SAMD3: variants seen among roughly 807,000 people sequenced by gnomAD.
SAMD3 encodes sterile alpha motif domain-containing protein 3.
SAMD3 carries 63 observed loss-of-function variants against 58.5 expected under a neutral mutation model. The observed-to-expected ratio is 1.08, with a 90% CI of 0.88 to 1.33. The LOEUF (loss-of-function observed/expected upper bound fraction) is 1.33, where lower values mean the gene tolerates loss of function less well. SAMD3 is among the 40% of genes most tolerant of loss of function. The probability of loss-of-function intolerance (pLI) is 0.00; values close to 1 mark genes in which losing one functional copy is unlikely to be tolerated. For missense variants in SAMD3, 604 were observed against 608.4 expected, an observed-to-expected ratio of 0.99 and a Z score of 0.08; for synonymous variants, 220 against 210.3, an observed-to-expected ratio of 1.05 and a Z score of -0.40.
intron 8 of SAMD3, among the ~76,000 whole-genome samples, chr6:130,165,236 T>C (rs1283276006): frequency 6.6e-6 from 1 of 152,138 alleles, no homozygotes; most frequent in Non-Finnish European, 1.5e-5. Flanking sequence ...AAGAAACTAA[T>C]AGGACTGTTA....
chr6:130,151,636 T>C lies in SAMD3; in HGVS notation c.1023+3189A>G, dbSNP rs9492462. ...TTGTATTTTTAGTAGAGACAGTGTT[T>C]CTCCACGTTGGTCAGCCTTGTCTCG... On this transcript the variant is annotated intron_variant, in intron 9 of 11. Transcript: ENST00000439090. Among the ~76,000 whole-genome samples the C allele has an allele frequency of 6.4e-3, 977 of 152,172 alleles. 13 individuals are homozygous for C. The highest frequency in any genetic ancestry group is 0.022 in the African/African-American group (895 of 41,528).
intron 2 of SAMD3, among the ~76,000 whole-genome samples, chr6:130,239,464 C>A (rs148647071): frequency 1.2e-4 from 19 of 152,106 alleles, no homozygotes; most frequent in African/African-American, 3.6e-4. Flanking sequence ...GAAACCTTAG[C>A]CAGTGAAGGC....
chr6:130,248,661 A>G (rs145913093), intron 2 of SAMD3, among the ~76,000 whole-genome samples: 25 of 152,194 alleles, frequency 1.6e-4, no homozygotes, highest in Non-Finnish European at 2.9e-4. Context: ...AGACGCTCCA[A>G]GCATGGCAGT....
At chr6:130,347,797 G>A (rs1187744335) in intron 1 of SAMD3, among the ~76,000 whole-genome samples, 6 of 152,138 alleles carry the variant, frequency 3.9e-5, no homozygotes, top group African/African-American at 1.4e-4. Flanking sequence ...AAGTTGAAAT[G>A]AAGGAAAAAA....
intron 5 of SAMD3, among the ~76,000 whole-genome samples, chr6:130,195,003 T>A (rs920577013): frequency 6.6e-6 from 1 of 152,198 alleles, no homozygotes; most frequent in South Asian, 2.1e-4. Context: ...GCCAGGCTTC[T>A]AAACCTCTTA....
chr6:130,310,973 A>G (rs1480326354), intron 2 of SAMD3, among the ~76,000 whole-genome samples: 1 of 152,134 alleles, frequency 6.6e-6, no homozygotes, highest in Non-Finnish European at 1.5e-5. Flanking sequence ...GGGAGAGTGT[A>G]TCAGCACCAG....
rs56707260 is a variant in SAMD3 at position 130,180,953 on chromosome 6, C to CTTTCTTTTTTTTTTTTTT, written c.654+3149_654+3150insAAAAAAAAAAAAAAGAAA. Among the ~76,000 whole-genome samples, 15 of 117,350 alleles carry CTTTCTTTTTTTTTTTTTT rather than the reference C, an allele frequency of 1.3e-4. 2 individuals are homozygous for CTTTCTTTTTTTTTTTTTT. Among genetic ancestry groups the CTTTCTTTTTTTTTTTTTT allele is most frequent in the East Asian group, 5.1e-4 (2 of 3,906 alleles). The allele number at this position is 117,350 out of a possible 152,430, so 77.0% of individuals were successfully genotyped here. On this transcript the variant is annotated intron_variant, in intron 7 of 11. Transcript: ENST00000439090. ...TTTTCTTTTTTCTTTTTCTTTCTTT[C>CTTTCTTTTTTTTTTTTTT]TTTTTTCTTTTGAGACGGAGTTCCG...
intron 7 of SAMD3, among the ~76,000 whole-genome samples, chr6:130,181,868 A>C (rs1405326666): frequency 6.6e-6 from 1 of 152,138 alleles, no homozygotes; most frequent in Non-Finnish European, 1.5e-5. Context: ...CACAAGTTCT[A>C]TCCTGGCTAA....
At chr6:130,210,441 A>G (rs4897376) in intron 4 of SAMD3, among the ~76,000 whole-genome samples, 119,061 of 151,840 alleles carry the variant, frequency 0.78, 47,040 homozygotes, top group African/African-American at 0.87. Context: ...TTTACTGAAA[A>G]CACAAAAATT....
chr6:130,226,077 G>A (rs1182377978), upstream of SAMD3, among the ~76,000 whole-genome samples: 1 of 152,138 alleles, frequency 6.6e-6, no homozygotes, highest in Non-Finnish European at 1.5e-5. Flanking sequence ...TCAGGACAGC[G>A]CCGCTTTTCC....
At chr6:130,348,311 G>A (rs539166832) in intron 1 of SAMD3, among the ~76,000 whole-genome samples, 1 of 152,288 alleles carries the variant, frequency 6.6e-6, no homozygotes, top group South Asian at 2.1e-4. Context: ...TGACCCATCA[G>A]TGTGCTGTAT....
intron 2 of SAMD3, among the ~76,000 whole-genome samples, chr6:130,234,968 A>G (rs1796643097): frequency 6.6e-6 from 1 of 152,200 alleles, no homozygotes; most frequent in African/African-American, 2.4e-5. Flanking sequence ...AAAATAAATT[A>G]GCCAGGCATG....
intron 2 of SAMD3, among the ~76,000 whole-genome samples, chr6:130,307,328 G>T (rs1775941666): frequency 6.8e-6 from 1 of 146,402 alleles, no homozygotes; most frequent in Non-Finnish European, 1.5e-5. Context: ...TGAACAAGAG[G>T]TCCCACATTT....
intron 5 of SAMD3, among the ~76,000 whole-genome samples, chr6:130,205,232 C>A (rs952613389): frequency 1.3e-5 from 2 of 151,234 alleles, no homozygotes. Flanking sequence ...ACATTTATCC[C>A]TTCCTATGAA....
chr6:130,145,364 G>A lies in SAMD3; in HGVS notation c.1254C>T (p.Ser418=), dbSNP rs1209323066. 2.5e-6 allele frequency: 4 copies of A among 1,610,622 alleles called. No homozygotes were observed. The South Asian group carries it at 4.4e-5, about 18-fold the overall frequency. ...CCTGTTCATTCATGATGACAAAAAG[G>A]CTGGGATCATCCCCAAAAACATCTG... ...LLPDVFGDDP[S]LFVIMNEQVQ... The change falls in exon 11 of 12, where the codon AGC becomes AGT. Residue 418 remains serine, a synonymous_variant. Transcript: ENST00000439090.
Position 130,146,151 on chromosome 6 carries a change from T to TTTC in SAMD3, c.1053_1054insGAA (p.Arg351_Thr352insGlu), listed in dbSNP as rs1335066852. On this transcript the variant is annotated inframe_insertion, in exon 10 of 12. Coordinates refer to ENST00000439090, the MANE Select transcript of SAMD3 (RefSeq NM_001017373.4). The stretch of plus-strand genomic sequence containing the variant: ...TGCCTTGTTTTCTTATAAATATCTG[T>TTTC]TCTTGTAAGAAGTTGGAATTCTCTG... The TTTC allele has an allele frequency of 6.3e-7, 1 of 1,592,010 alleles. No individual in the cohort carries two copies. The highest frequency in any genetic ancestry group is 1.8e-5 in the Admixed American group (1 of 56,232).
At chr6:130,340,495 C>G (rs988136168) in intron 1 of SAMD3, among the ~76,000 whole-genome samples, 2 of 152,182 alleles carry the variant, frequency 1.3e-5, no homozygotes, top group African/African-American at 4.8e-5. Context: ...ATTAGCAAAC[C>G]TAATTCCATC....
At chr6:130,276,878 G>A (rs1774794976) in intron 2 of SAMD3, among the ~76,000 whole-genome samples, 1 of 152,116 alleles carries the variant, frequency 6.6e-6, no homozygotes, top group Non-Finnish European at 1.5e-5. Context: ...GATGAAAATA[G>A]GGGTGTGGAA....
chr6:130,272,370 C>A (rs1057461804), intron 2 of SAMD3, among the ~76,000 whole-genome samples: 5 of 152,100 alleles, frequency 3.3e-5, no homozygotes, highest in Admixed American at 1.3e-4. Context: ...TGTCTTAGGA[C>A]CTGGGATCAG....
Sources: gnomAD v4.1 joint callset for allele counts (sites outside exome capture counted in the v4.1 genomes callset) on GRCh38, gnomAD v4.1.1 for gene constraint, MANE v1.5 for transcripts, NCBI Gene and HGNC (gene_info 2026-07-23, HGNC 2026-07-21) for gene names.